ZNF575: variants seen among roughly 807,000 people sequenced by gnomAD.
ZNF575 encodes the protein zinc finger protein 575.
Under a neutral mutation model 17.5 loss-of-function variants are expected in ZNF575, and 17 were observed. The ratio of observed to expected loss-of-function variants is 0.97; its 90% CI spans 0.66 to 1.45. The LOEUF (loss-of-function observed/expected upper bound fraction) is 1.45, where lower values mean the gene tolerates loss of function less well. ZNF575 is among the 40% of genes most tolerant of loss of function. The pLI is 0.00. For synonymous variants in ZNF575, 146 were observed against 158.3 expected (o/e 0.92, Z 0.58); for missense variants, 352 against 359.2 (o/e 0.98, Z 0.16).
Position 43,535,852 on chromosome 19 carries a change from CTT to C in ZNF575, c.*167_*168del, listed in dbSNP as rs1220505816. The C allele has an allele frequency of 5.4e-6, 4 of 747,556 alleles. No homozygotes were observed. The highest frequency in any genetic ancestry group is 8.5e-6 in the Non-Finnish European group (4 of 472,236). The allele number at this position is 747,556 out of a possible 1,614,324, so 46.3% of individuals were successfully genotyped here. A position where few individuals can be genotyped will look rare whatever the true frequency, so the allele number is the denominator to read the frequency against. On this transcript the variant is annotated 3_prime_UTR_variant, in exon 4 of 4. Coordinates refer to ENST00000314228, the MANE Select transcript of ZNF575 (RefSeq NM_174945.3). ...CTCGAGCTCAGAAGCCCGAGGAACTCTTTGCTCCCCTGCTTTGGGGAGATCTC... is the reference window on the plus strand; with the variant it reads ...CTCGAGCTCAGAAGCCCGAGGAACTCTGCTCCCCTGCTTTGGGGAGATCTC...
At chr19:43,532,119 C>A (rs1156339824), upstream of ZNF575, among the ~76,000 whole-genome samples, 1 of 151,922 alleles carries the variant, frequency 6.6e-6, no homozygotes, top group Non-Finnish European at 1.5e-5. Flanking sequence ...ACCTCTGCCT[C>A]CCAGGTTCAA....
Position 43,534,335 on chromosome 19 carries a change from A to T in ZNF575, c.-86-2A>T. 2.4e-6 allele frequency: 3 copies of T among 1,265,414 alleles called. No homozygotes were observed. The highest frequency in any genetic ancestry group is 3.3e-6 in the Non-Finnish European group (3 of 899,066). 78.4% of individuals were successfully genotyped at this position (1,265,414 alleles called of 1,614,324 possible). ...CCTAAACAGTGTGATCCCTCATTTT[A>T]GGCCCTCCAACCCTATCCCCATCAG... On this transcript the variant is annotated splice_acceptor_variant, in intron 2 of 3. Transcript: ENST00000314228. LOFTEE classifies it low-confidence loss of function (5UTR_SPLICE).
In ZNF575 at chr19:43,535,561, G is replaced by A. The variant is rs781708703; in HGVS notation, c.612G>A (p.Ala204=). Reference sequence around the variant, plus strand: ...GCCTATGTCACGACCCCCCAACCGCGCCCGGCAGCCAGGCGACTGCCTGGC... The same window carrying A: ...GCCTATGTCACGACCCCCCAACCGCACCCGGCAGCCAGGCGACTGCCTGGC... ...AHRLCHDPPT[A]PGSQATAWHR... The change falls in exon 4 of 4, where the codon GCG becomes GCA. Residue 204 remains alanine (A), a synonymous_variant. Coordinates refer to ENST00000314228, the MANE Select transcript of ZNF575 (RefSeq NM_174945.3). The A allele has an allele frequency of 3.1e-6, 5 of 1,613,804 alleles. No homozygotes were observed. The East Asian group carries it at 6.7e-5, about 22-fold the overall frequency.
rs1226481292 is a variant in ZNF575, at chr19:43,535,433, C to A, written c.484C>A (p.Leu162Met). The A allele has an allele frequency of 1.2e-6, 2 of 1,609,350 alleles. No homozygotes were observed. Among genetic ancestry groups the A allele is most frequent in the African/African-American group, 2.7e-5 (2 of 74,530 alleles). The change falls in exon 4 of 4, where the codon CTG becomes ATG. Residue 162 changes from leucine (L) to methionine (M), a missense_variant. Leu to Met is a conservative substitution (Grantham distance 15). Coordinates refer to ENST00000314228, the MANE Select transcript of ZNF575 (RefSeq NM_174945.3). ...CAAGTCCTTCTGCTACCCTTCCAAG[C>A]TGGCGGCCCACCGCCACACGCACCA... ...CPKSFCYPSK[L>M]AAHRHTHHAT...
intron 3 of ZNF575, among the ~76,000 whole-genome samples, 191 bp downstream of exon 3, chr19:43,534,692 G>A (rs996477029): frequency 6.6e-6 from 1 of 152,210 alleles, no homozygotes; most frequent in African/African-American, 2.4e-5. Context: ...CATTTGCTAA[G>A]GCTCAGGAAA....
upstream of ZNF575, chr19:43,532,969 T>C (rs574180234): frequency 1.4e-4 from 21 of 144,930 alleles, no homozygotes; most frequent in African/African-American, 4.0e-4. Flanking sequence ...TGGCCAGACT[T>C]TTTGCAAACG....
rs1972370761 is a variant in ZNF575 at position 43,533,491 on chromosome 19, G to C, written c.-225G>C. ...GTGGCCGTGGCGGGAGGAGCCGGAA[G>C]CCCCGCCCCCGGGGAGGGGCCGTCC... On this transcript the variant is annotated 5_prime_UTR_variant, in exon 1 of 4. Coordinates refer to ENST00000314228, the MANE Select transcript of ZNF575 (RefSeq NM_174945.3). 6.6e-6 allele frequency: 1 copy of C among 152,610 alleles called. No homozygotes were observed. The highest frequency in any genetic ancestry group is 2.1e-4 in the South Asian group (1 of 4,838). The allele number at this position is 152,610 out of a possible 1,614,324, so 9.5% of individuals were successfully genotyped here. A position where few individuals can be genotyped will look rare whatever the true frequency, so the allele number is the denominator to read the frequency against.
At chr19:43,534,250 G>C (rs1199458769) in intron 2 of ZNF575, 87 bp from the exon 3 acceptor site, 2 of 611,546 alleles carry the variant, frequency 3.3e-6, no homozygotes, top group Non-Finnish European at 5.6e-6. Context: ...TGTGCTCTTA[G>C]GCTCCGCCTC....
Position 43,535,482 on chromosome 19 carries a change from C to T in ZNF575, c.533C>T (p.Pro178Leu). 6.2e-7 allele frequency: 1 copy of T among 1,613,876 alleles called. No individual in the cohort carries two copies. Among genetic ancestry groups the T allele is most frequent in the Non-Finnish European group, 8.5e-7 (1 of 1,179,918 alleles). Residue 178 changes from proline to leucine, a missense_variant, in exon 4 of 4, where the codon CCT becomes CTT. Physicochemically the swap from Pro to Leu is moderately conservative, Grantham distance 98 (BLOSUM62 -3). Coordinates refer to ENST00000314228, the MANE Select transcript of ZNF575 (RefSeq NM_174945.3). ...CACGCCACCGACGCCCGCCCCTATC[C>T]TTGCCCGCATTGCCCCAAGGCTTTC... is the stretch of plus-strand genomic sequence containing the variant. ...THHATDARPY[P>L]CPHCPKAFSF...
At chr19:43,532,565 C>T (rs1158814185), upstream of ZNF575, among the ~76,000 whole-genome samples, 2 of 152,172 alleles carry the variant, frequency 1.3e-5, no homozygotes, top group East Asian at 1.9e-4. Flanking sequence ...TATTCCAAAC[C>T]AGTTACCCAG....
upstream of ZNF575, chr19:43,531,762 T>C: frequency 1.6e-6 from 1 of 628,526 alleles, no homozygotes; most frequent in Non-Finnish European, 2.9e-6. Flanking sequence ...CAAACAATAC[T>C]GGTCATGAGT....
At chr19:43,531,974 T>C, upstream of ZNF575, 1 of 437,462 alleles carries the variant, frequency 2.3e-6, no homozygotes, top group South Asian at 3.5e-5. Context: ...TTTTTTAAGA[T>C]GGGGAGGTGT....
At chr19:43,533,989 G>C (rs570287534) in intron 2 of ZNF575, 87 bp downstream of exon 2, 1 of 176,644 alleles carries the variant, frequency 5.7e-6, no homozygotes, top group South Asian at 1.2e-4. Flanking sequence ...TGCCCACTCC[G>C]CTCGAAGGCC....
In ZNF575 at chr19:43,535,759, C is replaced by T. The variant is rs774895285; in HGVS notation, c.*72C>T. 1,720 of 1,466,000 alleles carry T rather than the reference C, an allele frequency of 1.2e-3. 1 individual carries two copies. Among genetic ancestry groups the T allele is most frequent in the Non-Finnish European group, 1.4e-3 (1,590 of 1,100,934 alleles). The allele number at this position is 1,466,000 out of a possible 1,614,324, so 90.8% of individuals were successfully genotyped here. A position where few individuals can be genotyped will look rare whatever the true frequency, so the allele number is the denominator to read the frequency against. The stretch of plus-strand genomic sequence containing the variant: ...TAAGAGGTGGGATTTCTAAGACCGA[C>T]TGTATGAGCTCGCCTCTTCCAGATA... On this transcript the variant is annotated 3_prime_UTR_variant, in exon 4 of 4. Coordinates refer to ENST00000314228, the MANE Select transcript of ZNF575 (RefSeq NM_174945.3).
In ZNF575 at chr19:43,534,638, T is replaced by G. The variant is rs1972388979; in HGVS notation, c.79+137T>G. The stretch of plus-strand genomic sequence containing the variant: ...ATTTGGGATCCCCAAAACTGCCACA[T>G]TCTGGGAAATCCTCCCATTTGGCTC... On this transcript the variant is annotated intron_variant, in intron 3 of 3. Coordinates refer to ENST00000314228, the MANE Select transcript of ZNF575 (RefSeq NM_174945.3). 4 of 849,000 alleles carry G rather than the reference T, an allele frequency of 4.7e-6. No individual in the cohort carries two copies. The South Asian group carries it at 9.5e-5, about 20-fold the overall frequency. The allele number at this position is 849,000 out of a possible 1,614,324, so 52.6% of individuals were successfully genotyped here. A position where few individuals can be genotyped will look rare whatever the true frequency, so the allele number is the denominator to read the frequency against.
At position 43,535,027 on chromosome 19, in the gene ZNF575, A is replaced by G; in HGVS notation, c.80-2A>G. On this transcript the variant is annotated splice_acceptor_variant, in intron 3 of 3. Coordinates refer to ENST00000314228, the MANE Select transcript of ZNF575 (RefSeq NM_174945.3). LOFTEE classifies it high-confidence loss of function. The stretch of plus-strand genomic sequence containing the variant: ...GAGCCCACCAGCCCTCCTGTCCCCC[A>G]GCTCCCCACCAGGGCCCACCGCAGA... 6.9e-7 allele frequency: 1 copy of G among 1,439,548 alleles called. No individual in the cohort carries two copies. The highest frequency in any genetic ancestry group is 9.0e-7 in the Non-Finnish European group (1 of 1,108,952). The allele number at this position is 1,439,548 out of a possible 1,614,324, so 89.2% of individuals were successfully genotyped here.
chr19:43,531,357 G>C (rs1972341023), upstream of ZNF575, among the ~76,000 whole-genome samples: 1 of 151,976 alleles, frequency 6.6e-6, no homozygotes, highest in South Asian at 2.1e-4. Flanking sequence ...GCCAAGACGG[G>C]TGGATCACGA....
Position 43,535,937 on chromosome 19 carries a change from T to C in ZNF575, c.*250T>C, listed in dbSNP as rs948394843. On this transcript the variant is annotated 3_prime_UTR_variant, in exon 4 of 4. Transcript: ENST00000314228. Reference sequence around the variant, plus strand: ...GCTGGCTCTGCTTCTCCCCACACACTTACATGGCAAAGGTAAAAAGTCTGC... The same window carrying C: ...GCTGGCTCTGCTTCTCCCCACACACCTACATGGCAAAGGTAAAAAGTCTGC... 30 of 533,822 alleles carry C rather than the reference T, an allele frequency of 5.6e-5. No individual in the cohort carries two copies. The highest frequency in any genetic ancestry group is 9.7e-4 in the Middle Eastern group (2 of 2,052). 33.1% of individuals were successfully genotyped at this position (533,822 alleles called of 1,614,324 possible).
In ZNF575 at chr19:43,534,518, T is replaced by G; in HGVS notation, c.79+17T>G. On this transcript the variant is annotated intron_variant, in intron 3 of 3. Transcript: ENST00000314228. ...CCAAAGAAGGTGAGAGTGCCCCGCC[T>G]GTGAGTAGGGAGCATTCTCCAGGAA... The G allele has an allele frequency of 1.4e-6, 2 of 1,431,870 alleles. No homozygotes were observed. Among genetic ancestry groups the G allele is most frequent in the Non-Finnish European group, 9.2e-7 (1 of 1,091,022 alleles). The allele number at this position is 1,431,870 out of a possible 1,614,324, so 88.7% of individuals were successfully genotyped here.
Sources: gnomAD v4.1 joint callset for allele counts (sites outside exome capture counted in the v4.1 genomes callset) on GRCh38, gnomAD v4.1.1 for gene constraint, MANE v1.5 for transcripts, NCBI Gene and HGNC (gene_info 2026-07-23, HGNC 2026-07-21) for gene names.